TMEM132C: variants seen among roughly 807,000 people sequenced by gnomAD.
TMEM132C encodes the protein protein phosphatase 1, regulatory subunit 152.
A neutral mutation model predicts 61.4 loss-of-function variants in TMEM132C; 29 were observed. The ratio of observed to expected loss-of-function variants is 0.47; its 90% confidence interval spans 0.35 to 0.64. The LOEUF (loss-of-function observed/expected upper bound fraction) is 0.64, where lower values mean the gene tolerates loss of function less well. Among genes scored for constraint, TMEM132C ranks in the 30% least tolerant of loss-of-function variants. The probability of loss-of-function intolerance (pLI) is 0.00; values close to 1 mark genes in which losing one functional copy is unlikely to be tolerated. For synonymous variants in TMEM132C, 656 were observed against 633.1 expected (o/e 1.04, Z -0.54); for missense variants, 1,408 against 1,476.9 (o/e 0.95, Z 0.76).
chr12:128,514,643 C>T (rs115308577), intron 2 of TMEM132C, among the ~76,000 whole-genome samples: 1,753 of 152,242 alleles, frequency 0.012, 24 homozygotes, highest in African/African-American at 0.04. Context: ...TCAGCTGTGA[C>T]GGAGACCTCT....
chr12:128,622,352 AAAAAAAAAATATATAT>A (rs1953970660), intron 4 of TMEM132C, among the ~76,000 whole-genome samples: 1 of 64,636 alleles, frequency 1.5e-5, no homozygotes, highest in African/African-American at 7.4e-5. Context: ...TCAAAAAAAA[AAAAAAAAAATATATAT>A]ATATATATAT....
rs1870068764 is a variant in TMEM132C, at chr12:128,448,539, G to T, written c.974+32919G>T. Among the ~76,000 whole-genome samples, 3 of 152,170 alleles carry T rather than the reference G, an allele frequency of 2.0e-5. 1 individual carries two copies. The highest frequency in any genetic ancestry group is 2.0e-4 in the Admixed American group (3 of 15,280). ...GCATGGAAGTCCCAGGGCTCCAAGA[G>T]AAAGAGTCGAGCCAATGCCCGGGAT... On this transcript the variant is annotated intron_variant, in intron 2 of 8. Coordinates refer to ENST00000435159, the MANE Select transcript of TMEM132C (RefSeq NM_001136103.3).
At chr12:128,438,674 C>T (rs1047551544) in intron 2 of TMEM132C, among the ~76,000 whole-genome samples, 2 of 152,188 alleles carry the variant, frequency 1.3e-5, no homozygotes, top group African/African-American at 2.4e-5. Flanking sequence ...AGTACATTCA[C>T]GATTTTGTGT....
chr12:128,704,228 TA>T (rs1243967550), intron 8 of TMEM132C, among the ~76,000 whole-genome samples: 4 of 152,174 alleles, frequency 2.6e-5, no homozygotes, highest in African/African-American at 9.7e-5. Context: ...TTGAGTAAAA[TA>T]AGCCAGGCAC....
chr12:128,293,492 G>A (rs747702843), intron 1 of TMEM132C, among the ~76,000 whole-genome samples: 3 of 152,114 alleles, frequency 2.0e-5, no homozygotes, highest in Admixed American at 2.0e-4. Flanking sequence ...AAAGAACCTC[G>A]GGGCACTTGA....
chr12:128,393,662 CATG>C (rs1207075445), intron 1 of TMEM132C, among the ~76,000 whole-genome samples: 5 of 152,150 alleles, frequency 3.3e-5, no homozygotes, highest in Non-Finnish European at 4.4e-5. Context: ...CCTAGGCTGG[CATG>C]ATGCTTCGAG....
intron 5 of TMEM132C, among the ~76,000 whole-genome samples, chr12:128,692,086 T>A (rs1213780453): frequency 1.3e-5 from 2 of 151,756 alleles, no homozygotes; most frequent in Admixed American, 1.3e-4. Context: ...CATCCATCCG[T>A]TCATGTGTCT....
At chr12:128,539,752 T>G (rs765923596) in intron 2 of TMEM132C, among the ~76,000 whole-genome samples, 14 of 152,230 alleles carry the variant, frequency 9.2e-5, no homozygotes, top group Non-Finnish European at 1.9e-4. Flanking sequence ...GTGGCTGTTA[T>G]GAATTCTGAA....
Position 128,555,721 on chromosome 12 carries a change from T to TTG in TMEM132C, c.1121+11619_1121+11620insGT, listed in dbSNP as rs202116584. Among the ~76,000 whole-genome samples the TTG allele has an allele frequency of 4.4e-3, 665 of 151,886 alleles. 11 individuals are homozygous for TTG. Among genetic ancestry groups the TTG allele is most frequent in the African/African-American group, 0.015 (636 of 41,322 alleles). On this transcript the variant is annotated intron_variant, in intron 3 of 8. Coordinates refer to ENST00000435159, the MANE Select transcript of TMEM132C (RefSeq NM_001136103.3). ...TATTGTTGTTGCCTAACTTTTTTTT[T>TTG]TTTTTTTCTTTGATACAAGATCTCA...
At chr12:128,597,614 C>A (rs1876019816) in intron 3 of TMEM132C, among the ~76,000 whole-genome samples, 1 of 152,208 alleles carries the variant, frequency 6.6e-6, no homozygotes, top group African/African-American at 2.4e-5. Context: ...TTCATCCCCT[C>A]CTATACTTCC....
rs1207171500 is a variant in TMEM132C, at chr12:128,309,718, C to CT, written c.85+42238dup. 2.0e-5 allele frequency among the ~76,000 whole-genome samples: 3 copies of CT among 150,828 alleles called. No homozygotes were observed. The East Asian group carries it at 5.8e-4, about 29-fold the overall frequency. On this transcript the variant is annotated intron_variant, in intron 1 of 8. Transcript: ENST00000435159. ...TGTAAAATATATCAGCTCTTCATTC[C>CT]TTTTTTTCTTTTTTTTTTTTCTTTT...
In TMEM132C at chr12:128,499,335, A is replaced by G. The variant is rs529320323; in HGVS notation, c.975-44622A>G. Among the ~76,000 whole-genome samples the G allele has an allele frequency of 5.1e-4, 78 of 152,340 alleles. 1 individual carries two copies. In the South Asian group the frequency reaches 0.016, roughly 31 times the overall value. Reference sequence around the variant, plus strand: ...ACATGTGATGTTTTGATGCAGGCATACAGTGTGTAATGATCAAATTAGGGT... The same window carrying G: ...ACATGTGATGTTTTGATGCAGGCATGCAGTGTGTAATGATCAAATTAGGGT... On this transcript the variant is annotated intron_variant, in intron 2 of 8. Transcript: ENST00000435159.
At chr12:128,541,027 G>GTC (rs71449354) in intron 2 of TMEM132C, among the ~76,000 whole-genome samples, 29,946 of 149,664 alleles carry the variant, frequency 0.2, 3,276 homozygotes, top group South Asian at 0.28. Flanking sequence ...CTCTTTCTCT[G>GTC]TCTCTCTCTC....
chr12:128,271,700 C>T (rs762609298), intron 1 of TMEM132C, among the ~76,000 whole-genome samples: 6 of 152,188 alleles, frequency 3.9e-5, no homozygotes, highest in Non-Finnish European at 7.3e-5. Flanking sequence ...CTGACCCTTC[C>T]CTTAAGCAGT....
intron 2 of TMEM132C, among the ~76,000 whole-genome samples, chr12:128,525,336 CTCTCTCTT>C (rs1308456970): frequency 6.9e-6 from 1 of 144,564 alleles, no homozygotes; most frequent in Non-Finnish European, 1.5e-5. Flanking sequence ...CTCTCTCTCT[CTCTCTCTT>C]TCTCTCTCTC....
At chr12:128,312,420 C>T (rs1024915162) in intron 1 of TMEM132C, among the ~76,000 whole-genome samples, 7 of 152,230 alleles carry the variant, frequency 4.6e-5, no homozygotes, top group African/African-American at 7.2e-5. Context: ...ATCCTCCCAC[C>T]TCAGCCTCCT....
chr12:128,430,908 G>T lies in TMEM132C; in HGVS notation c.974+15288G>T, dbSNP rs567603636. On this transcript the variant is annotated intron_variant, in intron 2 of 8. Transcript: ENST00000435159. ...CTTAGGCCTCCCTATTCCCTAAGAT[G>T]TAACAATATTGAAATTAGGCTAATG... Among the ~76,000 whole-genome samples, 4 of 152,256 alleles carry T rather than the reference G, an allele frequency of 2.6e-5. No homozygotes were observed. The South Asian group carries it at 8.3e-4, about 32-fold the overall frequency.
chr12:128,338,813 G>C (rs1348067975), intron 1 of TMEM132C, among the ~76,000 whole-genome samples: 1 of 146,734 alleles, frequency 6.8e-6, no homozygotes, highest in Non-Finnish European at 1.5e-5. Flanking sequence ...AGGGTCTTAA[G>C]ATTTATTAAC....
chr12:128,476,453 G>T (rs1335764311), intron 2 of TMEM132C, among the ~76,000 whole-genome samples: 2 of 152,206 alleles, frequency 1.3e-5, no homozygotes, highest in Non-Finnish European at 2.9e-5. Flanking sequence ...GTGAAGAAAA[G>T]AACATTTCTC....
Sources: allele counts gnomAD v4.1 joint callset (sites outside exome capture counted in the v4.1 genomes callset), GRCh38; gene constraint gnomAD v4.1.1; transcripts MANE v1.5; gene names NCBI Gene and HGNC (gene_info 2026-07-23, HGNC 2026-07-21).